Variants in ZKSCAN3 observed in about 807,000 individuals in gnomAD.
The protein encoded by ZKSCAN3 is zinc finger with KRAB and SCAN domains 3.
Under a neutral mutation model 30.7 loss-of-function variants are expected in ZKSCAN3, and 21 were observed. The observed-to-expected ratio is 0.68, with a 90% CI of 0.49 to 0.99. The LOEUF (loss-of-function observed/expected upper bound fraction) is 0.99. ZKSCAN3 is among the 50% of genes least tolerant of loss of function. ZKSCAN3 has a pLI of 0.00. For synonymous variants in ZKSCAN3, 201 were observed against 246.7 expected (o/e 0.81, Z 1.73); for missense variants, 507 against 647.1 (o/e 0.78, Z 2.35).
rs1039008307 is a variant in ZKSCAN3 at position 28,353,678 on chromosome 6, AG to A, written c.-63+3614del. Among the ~76,000 whole-genome samples the A allele has an allele frequency of 2.6e-5, 4 of 152,192 alleles. No individual in the cohort carries two copies. The East Asian group carries it at 7.7e-4, about 29-fold the overall frequency. On this transcript the variant is annotated intron_variant, in intron 1 of 5. Coordinates refer to ENST00000252211, the MANE Select transcript of ZKSCAN3 (RefSeq NM_024493.4). ...GACCGTCTGGGAGGCAGCTCAGGATAGGGATCAGGAGTCTACAGCCTAGAAA... is the reference window on the plus strand; with the variant it reads ...GACCGTCTGGGAGGCAGCTCAGGATAGGATCAGGAGTCTACAGCCTAGAAA...
intron 1 of ZKSCAN3, among the ~76,000 whole-genome samples, chr6:28,352,883 G>C (rs1362677850): frequency 6.6e-6 from 1 of 152,062 alleles, no homozygotes; most frequent in Non-Finnish European, 1.5e-5. Context: ...CTGAGGAATA[G>C]AGGTTCAGGA....
chr6:28,363,592 T>C, intron 4 of ZKSCAN3, 100 bp from the exon 5 acceptor site: 1 of 1,567,776 alleles, frequency 6.4e-7, no homozygotes, highest in South Asian at 1.2e-5. Flanking sequence ...TGTTTATTAC[T>C]AGCTGTTGGC....
In ZKSCAN3 at chr6:28,368,227, A is replaced by T. The variant is rs7750526; in HGVS notation, c.*1942A>T. On this transcript the variant is annotated 3_prime_UTR_variant, in exon 6 of 6. Coordinates refer to ENST00000252211, the MANE Select transcript of ZKSCAN3 (RefSeq NM_024493.4). ...TCTCGATCTCCTGACCTCGTGATCCACCTGTCTCGGCCTCCCAAAATGCTG... is the reference window on the plus strand; with the variant it reads ...TCTCGATCTCCTGACCTCGTGATCCTCCTGTCTCGGCCTCCCAAAATGCTG... 43,300 of 151,904 alleles carry T rather than the reference A, an allele frequency of 0.29. 6,796 individuals are homozygous for T. The highest frequency in any genetic ancestry group is 0.42 in the African/African-American group (17,283 of 41,386). 9.4% of individuals were successfully genotyped at this position (151,904 alleles called of 1,614,324 possible).
At position 28,367,959 on chromosome 6, in the gene ZKSCAN3, C is replaced by T. The variant is rs972715907; in HGVS notation, c.*1674C>T. On this transcript the variant is annotated 3_prime_UTR_variant, in exon 6 of 6. Coordinates refer to ENST00000252211, the MANE Select transcript of ZKSCAN3 (RefSeq NM_024493.4). ...CGTGCAGGTTTGTTACATATGTATA[C>T]ATGTGCCATGTTGGTGTGCTGCACC... The T allele has an allele frequency of 5.9e-5, 9 of 151,670 alleles. No homozygotes were observed. The highest frequency in any genetic ancestry group is 1.9e-4 in the African/African-American group (8 of 41,262). The allele number at this position is 151,670 out of a possible 1,614,324, so 9.4% of individuals were successfully genotyped here.
intron 2 of ZKSCAN3, chr6:28,360,677 A>ACC: frequency 1.0e-6 from 1 of 985,400 alleles, no homozygotes; most frequent in Non-Finnish European, 1.2e-6. Flanking sequence ...AGAGCCTTCT[A>ACC]AATGGTGAGC....
chr6:28,366,424 G>T lies in ZKSCAN3; in HGVS notation c.*139G>T. On this transcript the variant is annotated 3_prime_UTR_variant, in exon 6 of 6. Transcript: ENST00000252211. ...TCAGGTGTTAGAAAATGTAGACTGGGTTAGACAAATTATCTTCTAAGTTCT... is the reference window on the plus strand; with the variant it reads ...TCAGGTGTTAGAAAATGTAGACTGGTTTAGACAAATTATCTTCTAAGTTCT... 2 of 957,308 alleles carry T rather than the reference G, an allele frequency of 2.1e-6. No individual in the cohort carries two copies. Among genetic ancestry groups the T allele is most frequent in the Non-Finnish European group, 2.9e-6 (2 of 686,064 alleles). The allele number at this position is 957,308 out of a possible 1,614,324, so 59.3% of individuals were successfully genotyped here.
chr6:28,361,579 C>A, intron 3 of ZKSCAN3, 108 bp downstream of exon 3: 1 of 1,283,336 alleles, frequency 7.8e-7, no homozygotes, highest in Non-Finnish European at 1.1e-6. Context: ...CATCACAGAT[C>A]AACTCTCATT....
In ZKSCAN3 at chr6:28,359,616, C is replaced by T; in HGVS notation, c.30C>T (p.Ala10=). 3 of 1,614,182 alleles carry T rather than the reference C, an allele frequency of 1.9e-6. No individual in the cohort carries two copies. The highest frequency in any genetic ancestry group is 2.5e-6 in the Non-Finnish European group (3 of 1,180,036). Residue 10 remains alanine (A), a synonymous_variant, in exon 2 of 6, where the codon GCC becomes GCT. Coordinates refer to ENST00000252211, the MANE Select transcript of ZKSCAN3 (RefSeq NM_024493.4). MARELSEST[A]LDAQSTEDQM... ...CTAGAGAATTAAGTGAAAGCACAGCCCTGGATGCCCAGTCTACAGAAGACC... is the reference window on the plus strand; with the variant it reads ...CTAGAGAATTAAGTGAAAGCACAGCTCTGGATGCCCAGTCTACAGAAGACC...
intron 3 of ZKSCAN3, among the ~76,000 whole-genome samples, chr6:28,363,073 A>C (rs1723676805): frequency 6.6e-6 from 1 of 152,148 alleles, no homozygotes; most frequent in Admixed American, 6.6e-5. Flanking sequence ...AAAGGAGCAC[A>C]CTCTGTATAA....
chr6:28,355,189 T>G (rs996059445), intron 1 of ZKSCAN3: 1 of 152,162 alleles, frequency 6.6e-6, no homozygotes, highest in Non-Finnish European at 1.5e-5. Flanking sequence ...GTCCTAAGAC[T>G]TCCTGTAATT....
intron 3 of ZKSCAN3, among the ~76,000 whole-genome samples, chr6:28,361,962 T>C (rs1346409298): frequency 6.6e-6 from 1 of 152,186 alleles, no homozygotes; most frequent in Non-Finnish European, 1.5e-5. Flanking sequence ...CACGCCTGGC[T>C]AGGTTTTAAA....
Position 28,353,577 on chromosome 6 carries a change from A to G in ZKSCAN3, c.-63+3510A>G, listed in dbSNP as rs878889298. On this transcript the variant is annotated intron_variant, in intron 1 of 5. Transcript: ENST00000252211. ...CTAGATAATACCATACTGAGGAAGG[A>G]GTAGATTAGGAAGCAAGAAAATCAC... The G allele has an allele frequency of 4.5e-5, 12 of 265,370 alleles. No individual in the cohort carries two copies. In the East Asian group the frequency reaches 8.7e-4, roughly 19 times the overall value. The allele number at this position is 265,370 out of a possible 1,614,324, so 16.4% of individuals were successfully genotyped here. A position where few individuals can be genotyped will look rare whatever the true frequency, so the allele number is the denominator to read the frequency against.
chr6:28,354,109 T>C, intron 1 of ZKSCAN3: 1 of 365,974 alleles, frequency 2.7e-6, no homozygotes, highest in Non-Finnish European at 5.4e-6. Context: ...CTCCTTGGCA[T>C]GCTTGTTAAT....
At chr6:28,360,558 G>A (rs904054715) in intron 2 of ZKSCAN3, 1 of 985,316 alleles carries the variant, frequency 1.0e-6, no homozygotes, top group African/African-American at 1.7e-5. Context: ...ACCTCTGGTA[G>A]AAAATGGGCC....
At position 28,368,036 on chromosome 6, in the gene ZKSCAN3, C is replaced by G. The variant is rs544315584; in HGVS notation, c.*1751C>G. 3.6e-4 allele frequency: 46 copies of G among 127,522 alleles called. No individual in the cohort carries two copies. Among genetic ancestry groups the G allele is most frequent in the African/African-American group, 1.3e-3 (45 of 34,602 alleles). 7.9% of individuals were successfully genotyped at this position (127,522 alleles called of 1,614,324 possible). On this transcript the variant is annotated 3_prime_UTR_variant, in exon 6 of 6. Coordinates refer to ENST00000252211, the MANE Select transcript of ZKSCAN3 (RefSeq NM_024493.4). Reference sequence around the variant, plus strand: ...TATCTCCTAATGCTTTCCCTCCCCCCACCCCACAACAGGCCCCAGTGTGTG... The same window carrying G: ...TATCTCCTAATGCTTTCCCTCCCCCGACCCCACAACAGGCCCCAGTGTGTG...
At chr6:28,361,817 TC>T (rs140538390) in intron 3 of ZKSCAN3, among the ~76,000 whole-genome samples, 11,613 of 151,638 alleles carry the variant, frequency 0.077, 538 homozygotes, top group East Asian at 0.23. Context: ...GCACTCCACT[TC>T]CTGGGCTCAA....
At position 28,351,666 on chromosome 6, in the gene ZKSCAN3, C is replaced by T. The variant is rs1765025705; in HGVS notation, c.-63+1599C>T. On this transcript the variant is annotated intron_variant, in intron 1 of 5. Coordinates refer to ENST00000252211, the MANE Select transcript of ZKSCAN3 (RefSeq NM_024493.4). The surrounding 1 kb of genome is among the most constrained non-coding windows in gnomAD (Gnocchi z 4.6). The stretch of plus-strand genomic sequence containing the variant: ...CTTTTGTCTCCCTCCTTCCCTTTTA[C>T]TTCCTCCCTCTTTCCCTCTCTCCTT... Among the ~76,000 whole-genome samples, 1 of 151,244 alleles carries T rather than the reference C, an allele frequency of 6.6e-6. No homozygotes were observed. Among genetic ancestry groups the T allele is most frequent in the African/African-American group, 2.4e-5 (1 of 41,094 alleles).
chr6:28,365,883 G>C lies in ZKSCAN3; in HGVS notation c.1215G>C (p.Lys405Asn). Residue 405 changes from lysine (K) to asparagine (N), a missense_variant, in exon 6 of 6, where the codon AAG becomes AAC. Coordinates refer to ENST00000252211, the MANE Select transcript of ZKSCAN3 (RefSeq NM_024493.4). ...CCTATGAGTGTGATGACTGTGGGAA[G>C]ACCTTCAGCCAGAGCTGCAGCCTCC... ...EKPYECDDCG[K>N]TFSQSCSLLE... The C allele has an allele frequency of 1.2e-6, 2 of 1,613,398 alleles. No homozygotes were observed. Among genetic ancestry groups the C allele is most frequent in the Non-Finnish European group, 1.7e-6 (2 of 1,179,594 alleles).
chr6:28,354,799 T>C (rs72854535), intron 1 of ZKSCAN3, among the ~76,000 whole-genome samples: 7,211 of 152,354 alleles, frequency 0.047, 278 homozygotes, highest in Non-Finnish European at 0.065. Context: ...CTTTCTCTCA[T>C]AGATCTGGCC....
Sources: allele counts gnomAD v4.1 joint callset (sites outside exome capture counted in the v4.1 genomes callset), GRCh38; gene constraint gnomAD v4.1.1; non-coding constraint Gnocchi (gnomAD v3.1); transcripts MANE v1.5; gene names NCBI Gene and HGNC (gene_info 2026-07-23, HGNC 2026-07-21).